TIMM50: variants seen among roughly 807,000 people sequenced by gnomAD.
TIMM50 encodes mitochondrial import inner membrane translocase subunit TIM50.
In TIMM50, 34 loss-of-function variants were observed where a neutral mutation model predicts 49.6. The observed-to-expected ratio is 0.69, with a 90% CI of 0.52 to 0.91. The LOEUF is 0.91. Among genes scored for constraint, TIMM50 ranks in the 40% least tolerant of loss-of-function variants. TIMM50 has a pLI of 0.00. For missense variants in TIMM50, 458 were observed against 477.8 expected (o/e 0.96, Z 0.39); for synonymous variants, 199 against 198.4 (o/e 1.00, Z -0.03).
chr19:39,481,135 C>T, intron 1 of TIMM50, 174 bp downstream of exon 1: 1 of 867,286 alleles, frequency 1.2e-6, no homozygotes, highest in East Asian at 2.9e-5. Context: ...AGGCTGGAGG[C>T]TGGGAATCCA....
chr19:39,488,315 C>T (rs1224030427), intron 9 of TIMM50, 98 bp downstream of exon 9: 2 of 1,424,034 alleles, frequency 1.4e-6, no homozygotes, highest in Non-Finnish European at 1.9e-6. Context: ...GACTGAGGTG[C>T]AAGAGGTGCC....
At chr19:39,487,892 C>T (rs867046080) in intron 8 of TIMM50, 169 bp from the exon 9 acceptor site, 11 of 1,003,324 alleles carry the variant, frequency 1.1e-5, no homozygotes, top group Middle Eastern at 3.0e-4. Flanking sequence ...ATGCCTGGCC[C>T]TCTGTGGGGG....
chr19:39,483,456 C>T (rs985939022), intron 4 of TIMM50: 20 of 431,376 alleles, frequency 4.6e-5, no homozygotes, highest in African/African-American at 3.6e-4. Context: ...TTAGACCAAG[C>T]ATCTGCGGTT....
In TIMM50 at chr19:39,481,233, A is replaced by T. The variant is rs545350332; in HGVS notation, c.108+272A>T. 9.6e-5 allele frequency: 49 copies of T among 509,778 alleles called. No homozygotes were observed. The East Asian group carries it at 1.4e-3, about 15-fold the overall frequency. 31.6% of individuals were successfully genotyped at this position (509,778 alleles called of 1,614,324 possible). ...CCCCGTTTCAGTGACCACTCAGGTGATACTTGAGCAGGAGGGGCCTGGGAC... is the reference window on the plus strand; with the variant it reads ...CCCCGTTTCAGTGACCACTCAGGTGTTACTTGAGCAGGAGGGGCCTGGGAC... On this transcript the variant is annotated intron_variant, in intron 1 of 10. Coordinates refer to ENST00000607714, the MANE Select transcript of TIMM50 (RefSeq NM_001001563.5).
In TIMM50 at chr19:39,492,697, T is replaced by C. The variant is rs997773338; in HGVS notation, c.*2877T>C. 6.6e-6 allele frequency: 1 copy of C among 151,236 alleles called. No homozygotes were observed. Among genetic ancestry groups the C allele is most frequent in the East Asian group, 1.9e-4 (1 of 5,158 alleles). 9.4% of individuals were successfully genotyped at this position (151,236 alleles called of 1,614,324 possible). A position where few individuals can be genotyped will look rare whatever the true frequency, so the allele number is the denominator to read the frequency against. ...GCCTGGCCAACATGGTGAAACCCTG[T>C]CTCTACTAAAAAAATACAAATAAAT... On this transcript the variant is annotated 3_prime_UTR_variant, in exon 11 of 11. Transcript: ENST00000607714.
chr19:39,483,748 C>T (rs2079487420), intron 4 of TIMM50, among the ~76,000 whole-genome samples: 1 of 152,220 alleles, frequency 6.6e-6, no homozygotes, highest in African/African-American at 2.4e-5. Context: ...TAGAATCATG[C>T]TGGCTTCAAC....
Position 39,485,543 on chromosome 19 carries a change from G to A in TIMM50, c.314-1G>A, listed in dbSNP as rs767101679. 1.2e-6 allele frequency: 2 copies of A among 1,614,006 alleles called. No individual in the cohort carries two copies. Among genetic ancestry groups the A allele is most frequent in the African/African-American group, 2.7e-5 (2 of 74,880 alleles). Reference sequence around the variant, plus strand: ...TCTCTTTGTGCCTGGTGTTCTCCTAGATCCAATTCTGGTACAGCAGTTGCG... The same window carrying A: ...TCTCTTTGTGCCTGGTGTTCTCCTAAATCCAATTCTGGTACAGCAGTTGCG... On this transcript the variant is annotated splice_acceptor_variant, in intron 4 of 10. Transcript: ENST00000607714. LOFTEE classifies it high-confidence loss of function.
At chr19:39,481,836 C>G in intron 1 of TIMM50, 47 bp from the exon 2 acceptor site, 2 of 1,593,864 alleles carry the variant, frequency 1.3e-6, no homozygotes, top group Non-Finnish European at 1.7e-6. Context: ...TGGGGACCAT[C>G]CTGACCTCTC....
intron 1 of TIMM50, 66 bp from the exon 2 acceptor site, chr19:39,481,817 A>C (rs2079473801): frequency 6.4e-7 from 1 of 1,557,402 alleles, no homozygotes; most frequent in Non-Finnish European, 8.7e-7. Context: ...TTCTTCTTGG[A>C]CTGGAGGGTG....
chr19:39,484,606 T>C (rs1468539087), intron 4 of TIMM50, among the ~76,000 whole-genome samples: 1 of 152,142 alleles, frequency 6.6e-6, no homozygotes, highest in Non-Finnish European at 1.5e-5. Flanking sequence ...CTCCCGGCAT[T>C]GCCAGATTTC....
intron 10 of TIMM50, among the ~76,000 whole-genome samples, chr19:39,489,290 G>A (rs4802032): frequency 0.17 from 25,226 of 152,022 alleles, 2,276 homozygotes; most frequent in East Asian, 0.36. Context: ...GGGCCATGGG[G>A]TTTGGACCTG....
At position 39,481,866 on chromosome 19, in the gene TIMM50, C is replaced by T; in HGVS notation, c.109-17C>T. 1 of 1,608,792 alleles carries T rather than the reference C, an allele frequency of 6.2e-7. No homozygotes were observed. The highest frequency in any genetic ancestry group is 2.2e-5 in the East Asian group (1 of 44,796). On this transcript the variant is annotated splice_polypyrimidine_tract_variant and intron_variant, in intron 1 of 10. Transcript: ENST00000607714. The stretch of plus-strand genomic sequence containing the variant: ...CCTCTCTTCTCTCTTGGCTGACCTC[C>T]CCTTTCTCAACCGCAGGCCGCAGAG...
rs1381591873 is a variant in TIMM50, at chr19:39,492,878, A to AAAAAC, written c.*3062_*3063insCAAAA. The AAAAAC allele has an allele frequency of 3.4e-5, 5 of 146,744 alleles. No individual in the cohort carries two copies. The highest frequency in any genetic ancestry group is 1.3e-4 in the African/African-American group (5 of 38,712). 9.1% of individuals were successfully genotyped at this position (146,744 alleles called of 1,614,324 possible). A position where few individuals can be genotyped will look rare whatever the true frequency, so the allele number is the denominator to read the frequency against. On this transcript the variant is annotated 3_prime_UTR_variant, in exon 11 of 11. Coordinates refer to ENST00000607714, the MANE Select transcript of TIMM50 (RefSeq NM_001001563.5). ...AGAGTAAGGCTCTGTCTCCAAAAAA[A>AAAAAC]AAAAAAAAAAAAAACAAAAAAAAAA...
intron 1 of TIMM50, chr19:39,481,425 A>T: frequency 4.3e-6 from 1 of 232,516 alleles, no homozygotes; most frequent in Non-Finnish European, 8.4e-6. Flanking sequence ...GCCCCAGACA[A>T]GTGATTGCCC....
rs1449758112 is a variant in TIMM50 at position 39,488,079 on chromosome 19, C to T, written c.715C>T (p.Arg239Trp). 2 of 1,610,274 alleles carry T rather than the reference C, an allele frequency of 1.2e-6. No individual in the cohort carries two copies. The highest frequency in any genetic ancestry group is 1.7e-6 in the Non-Finnish European group (2 of 1,176,964). ...HHVKDISCLN[R>W]DPARVVVVDC... is the part of the protein sequence containing the mutation. ...CTTCCAGGATATTTCATGTCTGAAT[C>T]GGGACCCAGCTCGAGTAGTAGTTGT... Residue 239 changes from arginine (R) to tryptophan (W), a missense_variant, in exon 9 of 11, where the codon CGG becomes TGG. Transcript: ENST00000607714.
At position 39,485,529 on chromosome 19, in the gene TIMM50, CT is replaced by C; in HGVS notation, c.314-14del. The C allele has an allele frequency of 6.2e-7, 1 of 1,614,068 alleles. No homozygotes were observed. On this transcript the variant is annotated splice_polypyrimidine_tract_variant and intron_variant, in intron 4 of 10. Coordinates refer to ENST00000607714, the MANE Select transcript of TIMM50 (RefSeq NM_001001563.5). Reference sequence around the variant, plus strand: ...GGCTTATTGTGGAATCTCTTTGTGCCTGGTGTTCTCCTAGATCCAATTCTGG... The same window carrying C: ...GGCTTATTGTGGAATCTCTTTGTGCCGGTGTTCTCCTAGATCCAATTCTGG...
Position 39,485,751 on chromosome 19 carries a change from C to G in TIMM50, c.436C>G (p.Pro146Ala). 1 of 1,614,112 alleles carries G rather than the reference C, an allele frequency of 6.2e-7. No homozygotes were observed. Among genetic ancestry groups the G allele is most frequent in the Non-Finnish European group, 8.5e-7 (1 of 1,180,026 alleles). The stretch of plus-strand genomic sequence containing the variant: ...CCCTCTGCAGGAACCGTACTACCAG[C>G]CACCCTACACGCTCGTTTTGGAGCT... ...PDPLQEPYYQ[P>A]PYTLVLELTG... The change falls in exon 6 of 11, where the codon CCA becomes GCA. Residue 146 changes from proline (P) to alanine (A), a missense_variant. Pro to Ala is a conservative substitution (Grantham distance 27). Coordinates refer to ENST00000607714, the MANE Select transcript of TIMM50 (RefSeq NM_001001563.5).
chr19:39,481,103 C>A (rs1241122546), intron 1 of TIMM50, 142 bp downstream of exon 1: 1 of 1,139,464 alleles, frequency 8.8e-7, no homozygotes, highest in East Asian at 2.8e-5. Context: ...CCCTTCCCAA[C>A]CTCCTGGGTG....
Position 39,486,420 on chromosome 19 carries a change from T to G in TIMM50, c.621T>G (p.Ser207Arg). 2 of 1,614,064 alleles carry G rather than the reference T, an allele frequency of 1.2e-6. No individual in the cohort carries two copies. The highest frequency in any genetic ancestry group is 1.7e-6 in the Non-Finnish European group (2 of 1,179,978). Residue 207 changes from serine to arginine, a missense_variant, in exon 8 of 11, where the codon AGT (serine) becomes AGG (arginine). Ser to Arg is a moderately radical substitution (Grantham distance 110, BLOSUM62 -1). Coordinates refer to ENST00000607714, the MANE Select transcript of TIMM50 (RefSeq NM_001001563.5). ...TGMTAFPLID[S>R]VDPHGFISYR... ...AGACTGCGTTTCCACTCATTGATAGTGTGGACCCCCATGGCTTCATCTCCT... is the reference window on the plus strand; with the variant it reads ...AGACTGCGTTTCCACTCATTGATAGGGTGGACCCCCATGGCTTCATCTCCT...
Sources: allele counts gnomAD v4.1 joint callset (sites outside exome capture counted in the v4.1 genomes callset), GRCh38; gene constraint gnomAD v4.1.1; transcripts MANE v1.5; gene names NCBI Gene and HGNC (gene_info 2026-07-23, HGNC 2026-07-21).